Variants in CNTN3 observed in about 807,000 individuals in gnomAD.
CNTN3 encodes the protein contactin-3.
Under a neutral mutation model 119.1 loss-of-function variants are expected in CNTN3, and 60 were observed. That is an observed-to-expected ratio of 0.50 (90% CI 0.41 to 0.62). The LOEUF (loss-of-function observed/expected upper bound fraction) is 0.62, where lower values mean the gene tolerates loss of function less well. Among genes scored for constraint, CNTN3 ranks in the 20% least tolerant of loss-of-function variants. The pLI, the probability that CNTN3 is intolerant of heterozygous loss-of-function variation, is 0.00. For missense variants in CNTN3, 1,101 were observed against 1,242.4 expected (o/e 0.89, Z 1.71); for synonymous variants, 450 against 438.7 (o/e 1.03, Z -0.32).
chr3:74,340,975 G>T (rs1014531890), intron 11 of CNTN3, among the ~76,000 whole-genome samples: 1 of 152,134 alleles, frequency 6.6e-6, no homozygotes, highest in African/African-American at 2.4e-5. Context: ...ATCCTTTGGT[G>T]TATTAGGTTT....
At chr3:74,294,860 C>G (rs879594762) in intron 19 of CNTN3, among the ~76,000 whole-genome samples, 2 of 152,134 alleles carry the variant, frequency 1.3e-5, no homozygotes, top group Non-Finnish European at 2.9e-5. Flanking sequence ...TTTTAGTCAA[C>G]TCATCTAAAA....
intron 13 of CNTN3, among the ~76,000 whole-genome samples, chr3:74,303,804 A>G (rs929912991): frequency 6.6e-5 from 10 of 152,194 alleles, no homozygotes; most frequent in Non-Finnish European, 1.5e-4. Context: ...TCAATGTTAA[A>G]TGGACCTCAT....
At chr3:74,333,396 G>A (rs1703314110) in intron 13 of CNTN3, among the ~76,000 whole-genome samples, 2 of 152,202 alleles carry the variant, frequency 1.3e-5, no homozygotes, top group African/African-American at 2.4e-5. Flanking sequence ...AAATCTCTAA[G>A]GGGAAATTCT....
At chr3:74,348,622 A>G (rs910314896) in intron 11 of CNTN3, among the ~76,000 whole-genome samples, 4 of 152,102 alleles carry the variant, frequency 2.6e-5, no homozygotes, top group African/African-American at 9.7e-5. Flanking sequence ...ATGAGAGGAG[A>G]GACTGTAATG....
At chr3:74,540,626 C>T (rs7618818) in intron 1 of CNTN3, among the ~76,000 whole-genome samples, 150,596 of 152,222 alleles carry the variant, frequency 0.99, 74,504 homozygotes, top group Middle Eastern at 1. Flanking sequence ...TGAATTTGAG[C>T]AATCAAGCAA....
At chr3:74,309,997 T>C (rs1422283476) in intron 13 of CNTN3, among the ~76,000 whole-genome samples, 1 of 152,216 alleles carries the variant, frequency 6.6e-6, no homozygotes, top group Non-Finnish European at 1.5e-5. Flanking sequence ...CATACATAAA[T>C]TTACTGCTAA....
chr3:74,574,227 C>T (rs1470639869), intron 1 of CNTN3, among the ~76,000 whole-genome samples: 1 of 152,084 alleles, frequency 6.6e-6, no homozygotes, highest in Non-Finnish European at 1.5e-5. Context: ...TTTTATGAAA[C>T]TTCCAAAATA....
chr3:74,559,296 G>T (rs9310300), intron 1 of CNTN3, among the ~76,000 whole-genome samples: 9,657 of 152,134 alleles, frequency 0.063, 968 homozygotes, highest in African/African-American at 0.22. Flanking sequence ...TTAGATGCAA[G>T]GACCCAGTGA....
At chr3:74,499,375 C>T (rs1259995657) in intron 3 of CNTN3, among the ~76,000 whole-genome samples, 1 of 151,870 alleles carries the variant, frequency 6.6e-6, no homozygotes, top group Non-Finnish European at 1.5e-5. Context: ...GTGTTCTTGA[C>T]AAGTACATGT....
intron 2 of CNTN3, among the ~76,000 whole-genome samples, chr3:74,505,526 A>ACAC (rs1703242348): frequency 7.7e-6 from 1 of 129,334 alleles, no homozygotes. Context: ...CACACACACC[A>ACAC]CACATACACA....
chr3:74,405,247 CTCA>C (rs980287473), intron 5 of CNTN3, among the ~76,000 whole-genome samples: 2 of 152,018 alleles, frequency 1.3e-5, no homozygotes, highest in Admixed American at 1.3e-4. Flanking sequence ...TATTTCCACA[CTCA>C]TCGATAATCT....
At chr3:74,489,195 T>TAA in intron 3 of CNTN3, among the ~76,000 whole-genome samples, 1 of 152,226 alleles carries the variant, frequency 6.6e-6, no homozygotes, top group South Asian at 2.1e-4. Context: ...TCTATGGCCC[T>TAA]AAACCATATC....
chr3:74,434,311 A>T (rs530735876), intron 4 of CNTN3, among the ~76,000 whole-genome samples: 1 of 152,186 alleles, frequency 6.6e-6, no homozygotes, highest in Admixed American at 6.5e-5. Context: ...AAAAATGAAA[A>T]CAATTATACA....
At chr3:74,596,967 C>G (rs531246728) in intron 1 of CNTN3, among the ~76,000 whole-genome samples, 7 of 152,136 alleles carry the variant, frequency 4.6e-5, no homozygotes, top group African/African-American at 1.7e-4. Flanking sequence ...GAAGTATGAC[C>G]AATGTTGCCC....
At chr3:74,462,753 C>T (rs1702393116) in intron 4 of CNTN3, among the ~76,000 whole-genome samples, 1 of 152,100 alleles carries the variant, frequency 6.6e-6, no homozygotes, top group Non-Finnish European at 1.5e-5. Flanking sequence ...ATTTCCCCTT[C>T]TAGTTTGTAA....
intron 5 of CNTN3, among the ~76,000 whole-genome samples, chr3:74,377,053 A>C (rs983039496): frequency 6.6e-6 from 1 of 152,122 alleles, no homozygotes; most frequent in African/African-American, 2.4e-5. Flanking sequence ...CAAAAGAGAT[A>C]TCAAACTACA....
In CNTN3 at chr3:74,441,829, A is replaced by G. The variant is rs1354480243; in HGVS notation, c.359-16889T>C. ...AATCCTATGTATAAAATCGCTGCCT[A>G]TAAAATAAATTATCTTTTGCATTTA... On this transcript the variant is annotated intron_variant, in intron 4 of 22. Transcript: ENST00000263665. 2.0e-5 allele frequency among the ~76,000 whole-genome samples: 3 copies of G among 152,182 alleles called. No individual in the cohort carries two copies. The East Asian group carries it at 5.8e-4, about 29-fold the overall frequency.
chr3:74,450,786 G>C (rs1314202185), intron 4 of CNTN3, among the ~76,000 whole-genome samples: 1 of 150,938 alleles, frequency 6.6e-6, no homozygotes, highest in South Asian at 2.1e-4. Context: ...TCTTGTGATA[G>C]TTTACTGAGA....
chr3:74,574,117 A>T (rs989081089), intron 1 of CNTN3, among the ~76,000 whole-genome samples: 4 of 152,232 alleles, frequency 2.6e-5, no homozygotes, highest in African/African-American at 7.2e-5. Context: ...TTCAGCCATA[A>T]AAAGGAATAA....
Sources: allele counts gnomAD v4.1 joint callset (sites outside exome capture counted in the v4.1 genomes callset), GRCh38; gene constraint gnomAD v4.1.1; transcripts MANE v1.5; gene names NCBI Gene and HGNC (gene_info 2026-07-23, HGNC 2026-07-21).